The following VPS26C variants were observed in gnomAD, a reference collection of about 807,000 sequenced individuals.
VPS26C encodes VPS26 endosomal protein sorting factor C.
VPS26C carries 19 observed loss-of-function variants against 30.6 expected under a neutral mutation model. That is an observed-to-expected ratio of 0.62 (90% CI 0.43 to 0.91). VPS26C has a LOEUF of 0.91. Among genes scored for constraint, VPS26C ranks in the 40% least tolerant of loss-of-function variants. The pLI is 0.00. For missense variants in VPS26C, 318 were observed against 385.1 expected (o/e 0.83, Z 1.46); for synonymous variants, 132 against 151.5 (o/e 0.87, Z 0.95).
At chr21:37,249,195 C>T (rs189873850) in intron 1 of VPS26C, among the ~76,000 whole-genome samples, 97 of 152,242 alleles carry the variant, frequency 6.4e-4, no homozygotes, top group African/African-American at 2.2e-3. Flanking sequence ...CCACAATTAA[C>T]GTTCTGCAAG....
chr21:37,266,032 C>T (rs1005839472), intron 1 of VPS26C, among the ~76,000 whole-genome samples: 4 of 150,352 alleles, frequency 2.7e-5, no homozygotes, highest in African/African-American at 4.9e-5. Flanking sequence ...ATTTTTCTGC[C>T]TCAGCCTCCC....
At chr21:37,232,819 G>A (rs932294095) in intron 4 of VPS26C, among the ~76,000 whole-genome samples, 2 of 152,198 alleles carry the variant, frequency 1.3e-5, no homozygotes, top group South Asian at 2.1e-4. Flanking sequence ...CTTCACAGAC[G>A]AGGCAAGCGG....
At chr21:37,225,833 A>C in intron 7 of VPS26C, 2 of 580,804 alleles carry the variant, frequency 3.4e-6, no homozygotes, top group South Asian at 4.2e-5. Context: ...ACCTCTGTCA[A>C]CTTTCTCTAA....
chr21:37,241,536 G>A (rs1385545614), intron 1 of VPS26C, among the ~76,000 whole-genome samples: 1 of 152,176 alleles, frequency 6.6e-6, no homozygotes, highest in East Asian at 1.9e-4. Flanking sequence ...ACACGTCTCA[G>A]GCTGGGCGTG....
chr21:37,257,732 GGAGGGAA>G lies in VPS26C; in HGVS notation c.57+9499_57+9505del, dbSNP rs1280126123. On this transcript the variant is annotated intron_variant, in intron 1 of 7. Transcript: ENST00000309117. The surrounding 1 kb of genome is among the most constrained non-coding windows in gnomAD (Gnocchi z 4.2). ...CACGGGCGGAAGAAAGGACTGGAGG[GGAGGGAA>G]AGGGGTGGGGAGCGAGGGTACCAGA... 6.6e-6 allele frequency among the ~76,000 whole-genome samples: 1 copy of G among 152,192 alleles called. No individual in the cohort carries two copies. The highest frequency in any genetic ancestry group is 1.5e-5 in the Non-Finnish European group (1 of 68,034).
chr21:37,267,258 T>C lies in VPS26C; in HGVS notation c.37A>G (p.Asn13Asp), dbSNP rs776778925. ...CTTACCCCGGCGTGATAAACTTTAT[T>C]CGCTCTTTTAATCTTGATGTCCAGG... is the stretch of plus-strand genomic sequence containing the variant. ...TALDIKIKRA[N>D]KVYHAGEVLS... is the part of the protein sequence containing the mutation. Residue 13 changes from asparagine (N) to aspartate (D), a missense_variant, in exon 1 of 8, where the codon AAT becomes GAT. By Grantham distance (23) the Asn-to-Asp change is conservative (BLOSUM62 1). Transcript: ENST00000309117. 3.7e-6 allele frequency: 6 copies of C among 1,612,674 alleles called. No homozygotes were observed. In the South Asian group the frequency reaches 5.5e-5, roughly 15 times the overall value.
intron 1 of VPS26C, among the ~76,000 whole-genome samples, chr21:37,262,768 A>ATTTTT (rs755196084): frequency 7.1e-6 from 1 of 141,398 alleles, no homozygotes; most frequent in African/African-American, 2.6e-5. Flanking sequence ...TAGCACGTTA[A>ATTTTT]TTTTTTTTTT....
chr21:37,259,941 G>A (rs1602288607), intron 1 of VPS26C, among the ~76,000 whole-genome samples: 2 of 152,150 alleles, frequency 1.3e-5, no homozygotes, highest in South Asian at 2.1e-4. Context: ...CTATTACTGC[G>A]GCCCCCACGA....
chr21:37,264,334 C>A (rs1209020565), intron 1 of VPS26C, among the ~76,000 whole-genome samples: 1 of 152,120 alleles, frequency 6.6e-6, no homozygotes, highest in Non-Finnish European at 1.5e-5. Flanking sequence ...ATACTAGCAC[C>A]AGGAGATGTA....
In VPS26C at chr21:37,226,154, T is replaced by C. The variant is rs780049549; in HGVS notation, c.812-528A>G. Reference sequence around the variant, plus strand: ...CAAACAGGATTCCTTCTCCACCGACTCTTCAGCTGATATGGGTGAGCCTTG... The same window carrying C: ...CAAACAGGATTCCTTCTCCACCGACCCTTCAGCTGATATGGGTGAGCCTTG... On this transcript the variant is annotated intron_variant, in intron 7 of 7. Transcript: ENST00000309117. The surrounding 1 kb of genome is among the most constrained non-coding windows in gnomAD (Gnocchi z 4.1). The C allele has an allele frequency of 1.9e-5, 3 of 156,990 alleles. No individual in the cohort carries two copies. Among genetic ancestry groups the C allele is most frequent in the African/African-American group, 7.2e-5 (3 of 41,614 alleles). 9.7% of individuals were successfully genotyped at this position (156,990 alleles called of 1,614,324 possible).
intron 1 of VPS26C, among the ~76,000 whole-genome samples, chr21:37,246,383 A>C (rs1338772951): frequency 6.6e-6 from 1 of 152,098 alleles, no homozygotes; most frequent in East Asian, 1.9e-4. Flanking sequence ...CTGTCATTCC[A>C]GTGTAACTGA....
chr21:37,248,713 T>TAAAAAAAAAAAAAAAAAAAAAAAAAA (rs558050794), intron 1 of VPS26C, among the ~76,000 whole-genome samples: 1 of 98,108 alleles, frequency 1.0e-5, no homozygotes, highest in Admixed American at 9.4e-5. Flanking sequence ...GCAACGAACT[T>TAAAAAAAAAAAAAAAAAAAAAAAAAA]AAAAAAAAAA....
intron 1 of VPS26C, among the ~76,000 whole-genome samples, chr21:37,255,850 C>CTTTTTTTTT (rs2086236577): frequency 1.1e-4 from 7 of 63,480 alleles, no homozygotes; most frequent in South Asian, 5.1e-4. Context: ...CTATGCACTG[C>CTTTTTTTTT]ATTTTTTTTT....
intron 2 of VPS26C, among the ~76,000 whole-genome samples, chr21:37,239,787 G>A (rs2086066304): frequency 6.6e-6 from 1 of 152,070 alleles, no homozygotes; most frequent in Non-Finnish European, 1.5e-5. Flanking sequence ...TAGTAGAAAC[G>A]GGGTTTTACC....
chr21:37,251,392 C>T (rs1291871719), intron 1 of VPS26C, among the ~76,000 whole-genome samples: 1 of 152,118 alleles, frequency 6.6e-6, no homozygotes, highest in African/African-American at 2.4e-5. Flanking sequence ...GGCTAGTTTC[C>T]TTCATTTATC....
chr21:37,254,764 A>G (rs1171386424), intron 1 of VPS26C, among the ~76,000 whole-genome samples: 1 of 152,122 alleles, frequency 6.6e-6, no homozygotes. Context: ...GAGCTGAGAC[A>G]TTGCATTCTG....
chr21:37,230,589 T>C (rs1317772338), intron 5 of VPS26C: 2 of 152,284 alleles, frequency 1.3e-5, no homozygotes, highest in African/African-American at 4.8e-5. Context: ...TAAACCTGAA[T>C]GGTTCTGTGG....
chr21:37,262,543 CTGAT>C (rs1054821974), intron 1 of VPS26C, among the ~76,000 whole-genome samples: 1 of 152,126 alleles, frequency 6.6e-6, no homozygotes, highest in South Asian at 2.1e-4. Context: ...CTGAATGAAG[CTGAT>C]TGATTAAATA....
At chr21:37,246,262 G>C (rs1425148105) in intron 1 of VPS26C, among the ~76,000 whole-genome samples, 2 of 151,922 alleles carry the variant, frequency 1.3e-5, no homozygotes, top group East Asian at 3.9e-4. Flanking sequence ...ACTCATAAGA[G>C]GAAAAGAAAC....
Sources: allele counts gnomAD v4.1 joint callset (sites outside exome capture counted in the v4.1 genomes callset), GRCh38; gene constraint gnomAD v4.1.1; non-coding constraint Gnocchi (gnomAD v3.1); transcripts MANE v1.5; gene names NCBI Gene and HGNC (gene_info 2026-07-23, HGNC 2026-07-21).